The following DNAH17 variants were observed in gnomAD, a reference collection of about 807,000 sequenced individuals.
The protein encoded by DNAH17 is axonemal beta dynein heavy chain 17.
Under a neutral mutation model 485.6 loss-of-function variants are expected in DNAH17, and 376 were observed. That is an observed-to-expected ratio of 0.77 (90% CI 0.71 to 0.84). DNAH17 has a LOEUF of 0.84. Ranked by LOEUF, DNAH17 falls within the 40% of genes least tolerant of loss-of-function variation. The pLI is 0.00. For synonymous variants in DNAH17, 3,031 were observed against 2,405.9 expected, an observed-to-expected ratio of 1.26 and a Z score of -7.60; for missense variants, 6,370 against 5,839.3, an observed-to-expected ratio of 1.09 and a Z score of -2.96.
At chr17:78,499,318 C>G in intron 36 of DNAH17, 1 of 385,858 alleles carries the variant, frequency 2.6e-6, no homozygotes. Flanking sequence ...CGAGGAAGAG[C>G]CATCCTTTCA....
chr17:78,520,389 G>C (rs1398821137), intron 25 of DNAH17, among the ~76,000 whole-genome samples: 2 of 152,158 alleles, frequency 1.3e-5, no homozygotes, highest in Non-Finnish European at 1.5e-5. Context: ...GCAAGAAAGA[G>C]AAGTAAAAGA....
rs536500452 is a variant in DNAH17, at chr17:78,428,426, C to T, written c.12588+99G>A. The T allele has an allele frequency of 1.3e-5, 18 of 1,422,742 alleles. No homozygotes were observed. In the East Asian group the frequency reaches 3.7e-4, roughly 29 times the overall value. The allele number at this position is 1,422,742 out of a possible 1,614,324, so 88.1% of individuals were successfully genotyped here. A position where few individuals can be genotyped will look rare whatever the true frequency, so the allele number is the denominator to read the frequency against. The stretch of plus-strand genomic sequence containing the variant: ...AAGGCTGGGGCAGAGTGTACCTCAC[C>T]AGCAAGTTCCCCTGTACTGCCGCCA... On this transcript the variant is annotated intron_variant, in intron 77 of 80. Transcript: ENST00000389840.
chr17:78,575,853 AAAC>A (rs1231674321), intron 1 of DNAH17, among the ~76,000 whole-genome samples: 1 of 152,276 alleles, frequency 6.6e-6, no homozygotes, highest in African/African-American at 2.4e-5. Context: ...CAATATTTTT[AAAC>A]ATCAAAATGA....
At chr17:78,461,931 T>G (rs562088598) in intron 57 of DNAH17, among the ~76,000 whole-genome samples, 1 of 152,058 alleles carries the variant, frequency 6.6e-6, no homozygotes, top group East Asian at 1.9e-4. Flanking sequence ...TTCCTGGTGC[T>G]CAAAGGAGTT....
intron 77 of DNAH17, among the ~76,000 whole-genome samples, chr17:78,427,632 A>G (rs1486398895): frequency 6.6e-6 from 1 of 152,194 alleles, no homozygotes. Context: ...CTTTACCGGG[A>G]AGTCCTGTAC....
chr17:78,502,148 C>T (rs372173856), intron 33 of DNAH17: 111 of 479,942 alleles, frequency 2.3e-4, no homozygotes, highest in African/African-American at 1.8e-3. Context: ...CTGACTTTAA[C>T]GCCATCCAGA....
intron 65 of DNAH17, among the ~76,000 whole-genome samples, chr17:78,452,942 C>A (rs968409605): frequency 4.0e-5 from 6 of 149,708 alleles, no homozygotes; most frequent in African/African-American, 1.5e-4. Flanking sequence ...TGCAACTGGA[C>A]AGATGTGTTT....
chr17:78,477,465 G>A (rs8073502), intron 51 of DNAH17, among the ~76,000 whole-genome samples: 5,108 of 152,126 alleles, frequency 0.034, 282 homozygotes, highest in African/African-American at 0.11. Flanking sequence ...TGCAACCTCT[G>A]CCTCCTGGGT....
chr17:78,546,118 A>G (rs2091756663), intron 16 of DNAH17, among the ~76,000 whole-genome samples: 1 of 152,164 alleles, frequency 6.6e-6, no homozygotes, highest in South Asian at 2.1e-4. Flanking sequence ...CTGGGACCAC[A>G]GGTGTTGTCC....
At chr17:78,475,580 C>A (rs1463996194) in intron 53 of DNAH17, 89 bp downstream of exon 53, 3 of 1,602,042 alleles carry the variant, frequency 1.9e-6, no homozygotes, top group South Asian at 2.2e-5. Context: ...CGCAGCCCCA[C>A]ACAATGCCAC....
chr17:78,433,082 CA>C (rs551742925), intron 75 of DNAH17, among the ~76,000 whole-genome samples: 50 of 152,266 alleles, frequency 3.3e-4, no homozygotes, highest in African/African-American at 1.1e-3. Flanking sequence ...CTCTCTGAGC[CA>C]GGGTCCATGT....
At chr17:78,480,957 G>C (rs1351130031) in intron 48 of DNAH17, among the ~76,000 whole-genome samples, 171 bp from the exon 49 acceptor site, 2 of 152,024 alleles carry the variant, frequency 1.3e-5, no homozygotes, top group African/African-American at 4.8e-5. Context: ...TGCAAGCTTT[G>C]CCTAATTTTT....
At chr17:78,537,269 T>C in intron 19 of DNAH17, 30 bp downstream of exon 19, 2 of 1,545,962 alleles carry the variant, frequency 1.3e-6, no homozygotes, top group Non-Finnish European at 1.8e-6. Flanking sequence ...TGGATGACCC[T>C]GTGTACGGCC....
Position 78,441,072 on chromosome 17 carries a change from A to C in DNAH17, c.11656T>G (p.Leu3886Val). The C allele has an allele frequency of 1.9e-6, 3 of 1,603,646 alleles. No individual in the cohort carries two copies. The highest frequency in any genetic ancestry group is 2.6e-6 in the Non-Finnish European group (3 of 1,174,910). ...FFILSPGVDP[L>V]KDVEALGKKL... ...TTACCCAGGGCTTCCACGTCTTTCA[A>C]GGGGTCAACCCCCGGGGAGAGGATG... Residue 3886 changes from leucine (L) to valine (V), a missense_variant, in exon 72 of 81, where the codon TTG (leucine) becomes GTG (valine). Transcript: ENST00000389840.
At chr17:78,546,354 T>C (rs1310503998) in intron 16 of DNAH17, among the ~76,000 whole-genome samples, 2 of 152,246 alleles carry the variant, frequency 1.3e-5, no homozygotes, top group Admixed American at 6.5e-5. Context: ...GGAAGTAGCA[T>C]ATAACTACAT....
chr17:78,445,720 T>A, intron 69 of DNAH17, 40 bp from the exon 70 acceptor site: 1 of 1,575,412 alleles, frequency 6.3e-7, no homozygotes, highest in East Asian at 2.3e-5. Context: ...ACGCAGCCAG[T>A]AAAACGTCAG....
At chr17:78,475,523 G>A (rs1017938950) in intron 53 of DNAH17, 54 bp from the exon 54 acceptor site, 170 of 1,611,018 alleles carry the variant, frequency 1.1e-4, no homozygotes, top group Non-Finnish European at 1.3e-4. Flanking sequence ...AATCACCTCT[G>A]TCACCAGCAC....
intron 24 of DNAH17, among the ~76,000 whole-genome samples, chr17:78,526,164 C>T (rs767696258): frequency 9.9e-5 from 15 of 152,194 alleles, no homozygotes; most frequent in Admixed American, 1.3e-4. Context: ...GTGCACTGGA[C>T]GTGACCATGA....
At chr17:78,458,353 C>T (rs553964138) in intron 62 of DNAH17, 4 of 578,624 alleles carry the variant, frequency 6.9e-6, no homozygotes, top group Non-Finnish European at 1.2e-5. Flanking sequence ...GTGTGGGTTA[C>T]TTGGAACCAC....
Sources: gnomAD v4.1 joint callset for allele counts (sites outside exome capture counted in the v4.1 genomes callset) on GRCh38, gnomAD v4.1.1 for gene constraint, MANE v1.5 for transcripts, NCBI Gene and HGNC (gene_info 2026-07-23, HGNC 2026-07-21) for gene names.